The following SGCZ variants were observed in gnomAD, a reference collection of about 807,000 sequenced individuals.
SGCZ encodes zeta-sarcoglycan.
Under a neutral mutation model 41.3 loss-of-function variants are expected in SGCZ, and 40 were observed. The ratio of observed to expected loss-of-function variants is 0.97; its 90% CI spans 0.75 to 1.26. The LOEUF (loss-of-function observed/expected upper bound fraction) is 1.26. Ranked by LOEUF, SGCZ falls within the 50% of genes most tolerant of loss-of-function variation. The pLI is 0.00. For synonymous variants in SGCZ, 206 were observed against 137.5 expected (o/e 1.50, Z -3.49); for missense variants, 552 against 369.8 (o/e 1.49, Z -4.04).
In SGCZ at chr8:15,183,162, T is replaced by G. The variant is rs116832106; in HGVS notation, c.39+54423A>C. Among the ~76,000 whole-genome samples, 1,155 of 115,810 alleles carry G rather than the reference T, an allele frequency of 1.0e-2. 11 individuals carry two copies. The highest frequency in any genetic ancestry group is 0.042 in the African/African-American group (1,015 of 24,084). The allele number at this position is 115,810 out of a possible 152,430, so 76.0% of individuals were successfully genotyped here. A position where few individuals can be genotyped will look rare whatever the true frequency, so the allele number is the denominator to read the frequency against. ...GCCTTAGGCTGTTTTACAGTTAACT[T>G]TTTTTATAAGTAGAAAGATTACACT... On this transcript the variant is annotated intron_variant, in intron 1 of 7. Transcript: ENST00000382080.
At chr8:14,877,293 A>G (rs1804401378) in intron 1 of SGCZ, among the ~76,000 whole-genome samples, 2 of 152,162 alleles carry the variant, frequency 1.3e-5, no homozygotes, top group African/African-American at 4.8e-5. Flanking sequence ...TTATGTAAGT[A>G]TCTCTTTGTT....
chr8:14,135,562 G>A (rs1192724992), intron 5 of SGCZ, among the ~76,000 whole-genome samples: 11 of 151,968 alleles, frequency 7.2e-5, no homozygotes, highest in Non-Finnish European at 1.3e-4. Context: ...AGAAAAAAAT[G>A]AAAAAAATCT....
At chr8:15,038,612 T>G (rs1803954055) in intron 1 of SGCZ, among the ~76,000 whole-genome samples, 2 of 151,608 alleles carry the variant, frequency 1.3e-5, no homozygotes, top group Admixed American at 1.3e-4. Context: ...CAAATGGAAT[T>G]GCATCAAATT....
intron 1 of SGCZ, among the ~76,000 whole-genome samples, chr8:14,922,515 C>G (rs144820232): frequency 0.065 from 9,868 of 151,956 alleles, 431 homozygotes; most frequent in Non-Finnish European, 0.09. Flanking sequence ...AGTGCAATGG[C>G]GCGATTTCGG....
chr8:14,691,803 G>A lies in SGCZ; in HGVS notation c.40-136877C>T, dbSNP rs187882871. On this transcript the variant is annotated intron_variant, in intron 1 of 7. Coordinates refer to ENST00000382080, the MANE Select transcript of SGCZ (RefSeq NM_139167.4). ...AAACTGCAATAAAATTTTTTTTGCC[G>A]TAATAAAAAATCAAACTTAATATAA... is the stretch of plus-strand genomic sequence containing the variant. Among the ~76,000 whole-genome samples, 396 of 151,864 alleles carry A rather than the reference G, an allele frequency of 2.6e-3. 5 individuals carry two copies. Among genetic ancestry groups the A allele is most frequent in the East Asian group, 1.4e-3 (7 of 5,168 alleles).
At chr8:15,056,856 A>T (rs185598517) in intron 1 of SGCZ, among the ~76,000 whole-genome samples, 95 of 152,296 alleles carry the variant, frequency 6.2e-4, no homozygotes, top group African/African-American at 2.1e-3. Context: ...CCTGTTAGTC[A>T]TCATGGGCCC....
chr8:14,199,056 T>C (rs1326868946), intron 4 of SGCZ, among the ~76,000 whole-genome samples: 1 of 152,194 alleles, frequency 6.6e-6, no homozygotes, highest in Non-Finnish European at 1.5e-5. Flanking sequence ...ATAACAGCAA[T>C]GTTCAGGGAA....
At chr8:14,238,459 T>G (rs1806847400) in intron 3 of SGCZ, among the ~76,000 whole-genome samples, 1 of 152,228 alleles carries the variant, frequency 6.6e-6, no homozygotes, top group African/African-American at 2.4e-5. Context: ...GTATATACAA[T>G]ATCTGATTTT....
chr8:14,697,068 A>T (rs1198691185), intron 1 of SGCZ, among the ~76,000 whole-genome samples: 1 of 152,086 alleles, frequency 6.6e-6, no homozygotes, highest in Non-Finnish European at 1.5e-5. Context: ...AATATTCTAT[A>T]GCCAGCAACA....
chr8:14,675,236 G>C (rs111597849), intron 1 of SGCZ, among the ~76,000 whole-genome samples: 1 of 151,430 alleles, frequency 6.6e-6, no homozygotes, highest in Non-Finnish European at 1.5e-5. Context: ...CACCGCACCC[G>C]GCCAAACCTC....
intron 2 of SGCZ, among the ~76,000 whole-genome samples, chr8:14,477,773 G>C (rs17119335): frequency 0.011 from 1,723 of 152,262 alleles, 30 homozygotes; most frequent in African/African-American, 0.039. Context: ...TGTAGGAAAT[G>C]TGTCTGAAAA....
At chr8:14,537,617 C>G (rs1462308372) in intron 2 of SGCZ, among the ~76,000 whole-genome samples, 1 of 150,560 alleles carries the variant, frequency 6.6e-6, no homozygotes, top group Non-Finnish European at 1.5e-5. Flanking sequence ...TCTTTACTTT[C>G]TCCTTCCCAT....
intron 2 of SGCZ, among the ~76,000 whole-genome samples, chr8:14,482,723 C>T (rs1801568288): frequency 6.6e-6 from 1 of 151,990 alleles, no homozygotes; most frequent in South Asian, 2.1e-4. Flanking sequence ...ATACAACCTG[C>T]TGAGGGCCCG....
At chr8:14,582,693 G>A (rs1355066839) in intron 1 of SGCZ, among the ~76,000 whole-genome samples, 3 of 125,098 alleles carry the variant, frequency 2.4e-5, no homozygotes, top group Admixed American at 1.0e-4. Flanking sequence ...AGAGTGTGAT[G>A]TTCCCCTTCC....
At chr8:15,055,265 A>G (rs1447960099) in intron 1 of SGCZ, among the ~76,000 whole-genome samples, 1 of 152,172 alleles carries the variant, frequency 6.6e-6, no homozygotes, top group African/African-American at 2.4e-5. Context: ...TATACCTACC[A>G]TAGATATTAT....
intron 2 of SGCZ, among the ~76,000 whole-genome samples, chr8:14,485,690 A>T (rs939042602): frequency 6.6e-6 from 1 of 152,204 alleles, no homozygotes; most frequent in Non-Finnish European, 1.5e-5. Context: ...AGAAGCTTAT[A>T]TCTGAAAGAT....
At position 14,296,104 on chromosome 8, in the gene SGCZ, C is replaced by T. The variant is rs142645850; in HGVS notation, c.336+27999G>A. 2.0e-5 allele frequency among the ~76,000 whole-genome samples: 3 copies of T among 152,206 alleles called. No homozygotes were observed. In the East Asian group the frequency reaches 5.8e-4, roughly 29 times the overall value. On this transcript the variant is annotated intron_variant, in intron 3 of 7. Transcript: ENST00000382080. ...GAAAAGCCAAACATGAAGTCTAAGG[C>T]TACACTAGTTGTAGGCTTGGCCTAA...
chr8:14,200,010 T>C (rs563321617), intron 4 of SGCZ, among the ~76,000 whole-genome samples: 1 of 152,266 alleles, frequency 6.6e-6, no homozygotes, highest in African/African-American at 2.4e-5. Context: ...AATTTTGGGG[T>C]TGACGACGTA....
At chr8:14,598,076 A>G (rs906036223) in intron 1 of SGCZ, among the ~76,000 whole-genome samples, 2 of 152,202 alleles carry the variant, frequency 1.3e-5, no homozygotes, top group African/African-American at 4.8e-5. Flanking sequence ...TTTTTTCTAT[A>G]TATGACTACA....
Sources: allele counts gnomAD v4.1 joint callset (sites outside exome capture counted in the v4.1 genomes callset), GRCh38; gene constraint gnomAD v4.1.1; transcripts MANE v1.5; gene names NCBI Gene and HGNC (gene_info 2026-07-23, HGNC 2026-07-21).